GNPTAB: variants seen among roughly 807,000 people sequenced by gnomAD.
The protein encoded by GNPTAB is N-acetylglucosamine-1-phosphate transferase subunits alpha and beta, also known as N-acetylglucosamine-1-phosphotransferase subunits alpha/beta.
GNPTAB carries 92 observed loss-of-function variants against 136.6 expected under a neutral mutation model. The observed-to-expected ratio is 0.67, with a 90% confidence interval of 0.57 to 0.80. GNPTAB has a LOEUF of 0.80. Ranked by LOEUF, GNPTAB falls within the 30% of genes least tolerant of loss-of-function variation. GNPTAB has a pLI of 0.00. For missense variants in GNPTAB, 1,343 were observed against 1,501.8 expected (o/e 0.89, Z 1.75); for synonymous variants, 512 against 535.1 (o/e 0.96, Z 0.60).
At chr12:101,814,589 C>G (rs1001055233) in intron 1 of GNPTAB, among the ~76,000 whole-genome samples, 3 of 150,912 alleles carry the variant, frequency 2.0e-5, no homozygotes, top group South Asian at 2.1e-4. Flanking sequence ...CCCAGCTACT[C>G]GTGAGGCTGA....
In GNPTAB at chr12:101,816,691, T is replaced by A. The variant is rs566121931; in HGVS notation, c.117+13868A>T. 1.5e-3 allele frequency among the ~76,000 whole-genome samples: 222 copies of A among 152,332 alleles called. 3 individuals are homozygous for A. The South Asian group carries it at 0.045, about 31-fold the overall frequency. On this transcript the variant is annotated intron_variant, in intron 1 of 20. Coordinates refer to ENST00000299314, the MANE Select transcript of GNPTAB (RefSeq NM_024312.5). ...CTATATGATCTAGCAATCCCACTAC[T>A]GGGTATAAACCCAAAAGAAAGGAAA...
intron 1 of GNPTAB, 69 bp from the exon 2 acceptor site, chr12:101,796,831 TAATTTCATTAGAATTGCTA>T (rs1364942042): frequency 2.0e-5 from 21 of 1,039,572 alleles, no homozygotes; most frequent in Admixed American, 6.0e-5. Flanking sequence ...CATTTCATTT[TAATTTCATTAGAATTGCTA>T]GAGAAATGGG....
intron 1 of GNPTAB, chr12:101,810,553 A>C (rs1870176525): frequency 6.6e-6 from 1 of 151,872 alleles, no homozygotes; most frequent in East Asian, 1.9e-4. Flanking sequence ...ATATTTAGAC[A>C]GTAGAAAAAA....
chr12:101,752,630 C>T (rs1022645951), intron 19 of GNPTAB, among the ~76,000 whole-genome samples: 6 of 152,166 alleles, frequency 3.9e-5, no homozygotes, highest in Non-Finnish European at 7.4e-5. Flanking sequence ...CTGATCATTC[C>T]CACCTCCAAG....
At chr12:101,829,394 A>G (rs1235786576) in intron 1 of GNPTAB, among the ~76,000 whole-genome samples, 1 of 152,150 alleles carries the variant, frequency 6.6e-6, no homozygotes, top group Non-Finnish European at 1.5e-5. Context: ...CTGAGGTAGG[A>G]GAATTTCTTG....
chr12:101,790,383 C>T (rs1363543443), intron 2 of GNPTAB, among the ~76,000 whole-genome samples: 4 of 152,214 alleles, frequency 2.6e-5, no homozygotes, highest in African/African-American at 9.6e-5. Context: ...GTTCAGTTTA[C>T]ATTAAACTGC....
intron 15 of GNPTAB, 73 bp from the exon 16 acceptor site, chr12:101,760,216 A>T: frequency 1.0e-6 from 1 of 955,300 alleles, no homozygotes. Flanking sequence ...AATAAAAATT[A>T]AGTGAAAGCT....
intron 4 of GNPTAB, among the ~76,000 whole-genome samples, chr12:101,788,336 G>C (rs1868787471): frequency 6.6e-6 from 1 of 152,212 alleles, no homozygotes; most frequent in Admixed American, 6.5e-5. Context: ...CCAGTGCAGT[G>C]AAGCTTTGGT....
chr12:101,803,831 T>C (rs1869781953), intron 1 of GNPTAB, among the ~76,000 whole-genome samples: 1 of 152,196 alleles, frequency 6.6e-6, no homozygotes, highest in African/African-American at 2.4e-5. Flanking sequence ...GACATATTTT[T>C]CCACGGAGAG....
rs11311603 is a variant in GNPTAB at position 101,826,506 on chromosome 12, A to AT, written c.117+4052dup. ...TTTAATTTTATTTTTCTGATTTTTA[A>AT]TTTTTTTTTTTTTTCAAAACAGACC... On this transcript the variant is annotated intron_variant, in intron 1 of 20. Coordinates refer to ENST00000299314, the MANE Select transcript of GNPTAB (RefSeq NM_024312.5). 5.0e-3 allele frequency among the ~76,000 whole-genome samples: 704 copies of AT among 142,174 alleles called. 8 individuals carry two copies. Among genetic ancestry groups the AT allele is most frequent in the African/African-American group, 0.016 (602 of 38,404 alleles). The allele number at this position is 142,174 out of a possible 152,430, so 93.3% of individuals were successfully genotyped here.
intron 19 of GNPTAB, among the ~76,000 whole-genome samples, chr12:101,753,063 G>A (rs180877135): frequency 6.6e-6 from 1 of 152,114 alleles, no homozygotes; most frequent in East Asian, 1.9e-4. Context: ...GACCAGCCTG[G>A]CTAACATGGT....
chr12:101,820,840 C>G (rs575763743), intron 1 of GNPTAB, among the ~76,000 whole-genome samples: 2 of 152,056 alleles, frequency 1.3e-5, no homozygotes, highest in Admixed American at 1.3e-4. Context: ...GGTGGATCAC[C>G]TGAGGTCAGG....
intron 1 of GNPTAB, among the ~76,000 whole-genome samples, chr12:101,809,064 T>C (rs371495967): frequency 6.6e-6 from 1 of 152,044 alleles, no homozygotes; most frequent in African/African-American, 2.4e-5. Flanking sequence ...ATCCAAAATA[T>C]ACAAAGAACT....
chr12:101,825,734 G>C (rs1347523053), intron 1 of GNPTAB, among the ~76,000 whole-genome samples: 1 of 152,170 alleles, frequency 6.6e-6, no homozygotes, highest in East Asian at 1.9e-4. Flanking sequence ...TCCAATAAAT[G>C]TATATTCACA....
At chr12:101,821,973 TATC>T (rs1463433405) in intron 1 of GNPTAB, among the ~76,000 whole-genome samples, 1 of 152,154 alleles carries the variant, frequency 6.6e-6, no homozygotes, top group African/African-American at 2.4e-5. Context: ...CTCCCATTAT[TATC>T]AGATTCTTAG....
chr12:101,758,218 T>C (rs1001382466), intron 16 of GNPTAB, among the ~76,000 whole-genome samples: 1 of 152,196 alleles, frequency 6.6e-6, no homozygotes, highest in African/African-American at 2.4e-5. Context: ...TTTGTATTTT[T>C]AGTAGATACA....
chr12:101,811,631 C>T (rs1386134235), intron 1 of GNPTAB, among the ~76,000 whole-genome samples: 1 of 149,754 alleles, frequency 6.7e-6, no homozygotes, highest in Non-Finnish European at 1.5e-5. Flanking sequence ...GAGGAGGGTG[C>T]TACACACTTT....
Position 101,825,171 on chromosome 12 carries a change from T to C in GNPTAB, c.117+5388A>G, listed in dbSNP as rs550646596. 3.3e-5 allele frequency among the ~76,000 whole-genome samples: 5 copies of C among 152,342 alleles called. No individual in the cohort carries two copies. In the South Asian group the frequency reaches 8.3e-4, roughly 25 times the overall value. On this transcript the variant is annotated intron_variant, in intron 1 of 20. Transcript: ENST00000299314. ...CCCCTGTGTTGTTATTCAGTCCTCA[T>C]ACATACATCTTGGCCTCATCTCAAC...
intron 7 of GNPTAB, among the ~76,000 whole-genome samples, chr12:101,777,846 A>G (rs1953281853): frequency 6.6e-6 from 1 of 152,294 alleles, no homozygotes; most frequent in Non-Finnish European, 1.5e-5. Context: ...TTTTCTCTCT[A>G]GTCTCTAAAA....
Sources: allele counts gnomAD v4.1 joint callset (sites outside exome capture counted in the v4.1 genomes callset), GRCh38; gene constraint gnomAD v4.1.1; transcripts MANE v1.5; gene names NCBI Gene and HGNC (gene_info 2026-07-23, HGNC 2026-07-21).